PABIR3: variants seen among roughly 807,000 people sequenced by gnomAD.
PABIR3 encodes PABIR family member 1.
PABIR3 carries 20 observed loss-of-function variants against 23.1 expected under a neutral mutation model. That is an observed-to-expected ratio of 0.86 (90% CI 0.61 to 1.26). PABIR3 has a LOEUF of 1.26. Ranked by LOEUF, PABIR3 falls within the 50% of genes most tolerant of loss-of-function variation. The pLI is 0.00. For missense variants in PABIR3, 189 were observed against 195.4 expected (o/e 0.97, Z 0.20); for synonymous variants, 69 against 68.5 (o/e 1.01, Z -0.04).
At chrX:134,826,538 T>C (rs1251201991) in intron 3 of PABIR3, among the ~76,000 whole-genome samples, 1 of 110,283 alleles carries the variant, frequency 9.1e-6, no homozygotes, top group African/African-American at 3.3e-5. Flanking sequence ...TTAGCTGTCT[T>C]TTTTTTTTAA....
intron 1 of PABIR3, among the ~76,000 whole-genome samples, chrX:134,797,564 G>C (rs898961654): frequency 9.0e-6 from 1 of 111,528 alleles, no homozygotes; most frequent in African/African-American, 3.3e-5. Context: ...TTCTTTTTCA[G>C]ATCATCCATT....
intron 3 of PABIR3, among the ~76,000 whole-genome samples, chrX:134,818,306 A>AT (rs1045155817): frequency 1.8e-5 from 2 of 111,600 alleles, no homozygotes; most frequent in Non-Finnish European, 3.8e-5. Flanking sequence ...AACTGTGGGA[A>AT]TTAATGATAT....
intron 4 of PABIR3, among the ~76,000 whole-genome samples, chrX:134,831,299 C>T (rs1343465215): frequency 9.0e-6 from 1 of 111,112 alleles, no homozygotes; most frequent in African/African-American, 3.3e-5. Context: ...GAACTCCTGA[C>T]CTCAAGTGAT....
chrX:134,836,405 A>C (rs1170310908), intron 4 of PABIR3, among the ~76,000 whole-genome samples: 4 of 112,894 alleles, frequency 3.5e-5, no homozygotes, highest in Non-Finnish European at 7.5e-5. Flanking sequence ...CTGCCATTGC[A>C]AAGTATCACA....
chrX:134,810,493 G>C (rs1376543432), intron 2 of PABIR3: 8 of 754,004 alleles, frequency 1.1e-5, no homozygotes, highest in Non-Finnish European at 1.3e-5. Flanking sequence ...AAGTAACATA[G>C]GAATGATGTG....
At position 134,842,978 on chromosome X, in the gene PABIR3, G is replaced by A. The variant is rs780424533; in HGVS notation, c.247-2227G>A. Reference sequence around the variant, plus strand: ...AGCACTTTGGGAGGCCAAGACGGGCGGATCACAAGGTCAGGAGTTCAAGAC... The same window carrying A: ...AGCACTTTGGGAGGCCAAGACGGGCAGATCACAAGGTCAGGAGTTCAAGAC... On this transcript the variant is annotated intron_variant, in intron 4 of 10. Transcript: ENST00000645433. Among the ~76,000 whole-genome samples the A allele has an allele frequency of 1.0e-3, 111 of 109,174 alleles. 1 individual carries two copies. Among genetic ancestry groups the A allele is most frequent in the African/African-American group, 3.4e-3 (103 of 29,991 alleles). The allele number at this position is 109,174 out of a possible 115,157, so 94.8% of individuals were successfully genotyped here. A position where few individuals can be genotyped will look rare whatever the true frequency, so the allele number is the denominator to read the frequency against.
At chrX:134,826,236 C>G (rs1337981614) in intron 3 of PABIR3, among the ~76,000 whole-genome samples, 1 of 111,373 alleles carries the variant, frequency 9.0e-6, no homozygotes, top group Non-Finnish European at 1.9e-5. Flanking sequence ...TCACACAGGG[C>G]CAGTATCCTG....
chrX:134,830,019 G>A (rs2081696850), intron 4 of PABIR3, among the ~76,000 whole-genome samples: 1 of 111,405 alleles, frequency 9.0e-6, no homozygotes, highest in African/African-American at 3.3e-5. Flanking sequence ...TTACATTTGT[G>A]GTCTCATTTT....
chrX:134,860,190 C>G, the PABIR3 span, among the ~76,000 whole-genome samples: 2 of 110,596 alleles, frequency 1.8e-5, no homozygotes, highest in Non-Finnish European at 3.8e-5. Context: ...CCTCCCAGTT[C>G]AAGCGATTCT....
intron 3 of PABIR3, among the ~76,000 whole-genome samples, chrX:134,828,047 C>CTCTCTCTCTCTCTCTATA (rs1466733144): frequency 1.4e-4 from 7 of 49,407 alleles, no homozygotes; most frequent in African/African-American, 5.8e-4. Context: ...CTCTCTCTCT[C>CTCTCTCTCTCTCTCTATA]TATATATATA....
At chrX:134,813,309 T>G (rs2080777708) in intron 2 of PABIR3, among the ~76,000 whole-genome samples, 1 of 112,137 alleles carries the variant, frequency 8.9e-6, no homozygotes, top group Admixed American at 9.5e-5. Flanking sequence ...TTTAGGAAGA[T>G]GCCCCTGGTA....
intron 3 of PABIR3, among the ~76,000 whole-genome samples, chrX:134,824,323 C>T (rs2081415267): frequency 9.0e-6 from 1 of 111,525 alleles, no homozygotes; most frequent in Admixed American, 9.6e-5. Context: ...TGAGATAAAA[C>T]GTGTGGCACA....
In PABIR3 at chrX:134,847,466, G is replaced by C. The variant is rs917363415; in HGVS notation, c.429G>C (p.Lys143Asn). ...PVSSMASSIK[K>N]TGKQCFSPSL... ...CCTCAATGGCTTCTTCCATCAAGAA[G>C]ACTGGGAAGGTAAGAAAGGAGTACC... The change falls in exon 7 of 11, where the codon AAG becomes AAC. Residue 143 changes from lysine (K) to asparagine (N), a missense_variant. Lys to Asn is a moderately conservative substitution (Grantham distance 94). Coordinates refer to ENST00000645433, the MANE Select transcript of PABIR3 (RefSeq NM_001388447.1). 8.4e-7 allele frequency: 1 copy of C among 1,188,120 alleles called. No individual in the cohort carries two copies. The highest frequency in any genetic ancestry group is 1.7e-5 in the African/African-American group (1 of 57,428).
chrX:134,832,754 A>C (rs1051003729), intron 4 of PABIR3, among the ~76,000 whole-genome samples: 2 of 111,097 alleles, frequency 1.8e-5, no homozygotes, highest in African/African-American at 6.5e-5. Context: ...TATATGTATC[A>C]CATTTTCTTT....
At position 134,810,721 on chromosome X, in the gene PABIR3, C is replaced by T. The variant is rs372187500; in HGVS notation, c.110+3013C>T. On this transcript the variant is annotated intron_variant, in intron 2 of 10. Coordinates refer to ENST00000645433, the MANE Select transcript of PABIR3 (RefSeq NM_001388447.1). ...CCTTTTTTTTTCCTTCCTTGGCCCT[C>T]TAATACTTGAGTACTTCCTCTTTCT... 3.1e-5 allele frequency: 23 copies of T among 751,560 alleles called. No homozygotes were observed. In the East Asian group the frequency reaches 1.5e-3, roughly 50 times the overall value. 61.9% of individuals were successfully genotyped at this position (751,560 alleles called of 1,213,427 possible). A position where few individuals can be genotyped will look rare whatever the true frequency, so the allele number is the denominator to read the frequency against.
chrX:134,847,418 G>C lies in PABIR3; in HGVS notation c.381G>C (p.Lys127Asn). The C allele has an allele frequency of 8.3e-7, 1 of 1,208,660 alleles. No homozygotes were observed. The highest frequency in any genetic ancestry group is 1.1e-6 in the Non-Finnish European group (1 of 893,327). The change falls in exon 7 of 11, where the codon AAG (lysine) becomes AAC (asparagine). Residue 127 changes from lysine (K) to asparagine (N), a missense_variant. Lys to Asn is a moderately conservative substitution (Grantham distance 94). Coordinates refer to ENST00000645433, the MANE Select transcript of PABIR3 (RefSeq NM_001388447.1). ...GCTTACAGAAATCATCCTCTCTAAA[G>C]TGCATTGATTTAACTCCAGTATCCT... is the stretch of plus-strand genomic sequence containing the variant. ...DNGLQKSSSL[K>N]CIDLTPVSSM... is the part of the protein sequence containing the mutation.
At chrX:134,843,388 G>A (rs2082309267) in intron 4 of PABIR3, among the ~76,000 whole-genome samples, 1 of 105,728 alleles carries the variant, frequency 9.5e-6, no homozygotes, top group Non-Finnish European at 1.9e-5. Context: ...AATTCATTTC[G>A]AGTGAATTTC....
intron 3 of PABIR3, chrX:134,822,235 G>A (rs1465239839): frequency 2.7e-6 from 2 of 749,800 alleles, no homozygotes; most frequent in Non-Finnish European, 3.1e-6. Context: ...TTACATCTCA[G>A]TGAAGTCATT....
At chrX:134,819,610 C>T (rs941072846) in intron 3 of PABIR3, among the ~76,000 whole-genome samples, 1 of 111,427 alleles carries the variant, frequency 9.0e-6, no homozygotes, top group Non-Finnish European at 1.9e-5. Context: ...ACAGCCTGGG[C>T]GAGGTGACTC....
Sources: allele counts gnomAD v4.1 joint callset (sites outside exome capture counted in the v4.1 genomes callset), GRCh38; gene constraint gnomAD v4.1.1; transcripts MANE v1.5; gene names NCBI Gene and HGNC (gene_info 2026-07-23, HGNC 2026-07-21).